The following HUWE1 variants were observed in gnomAD, a reference collection of about 807,000 sequenced individuals.
HUWE1 encodes E3 ubiquitin-protein ligase HUWE1.
A neutral mutation model predicts 299.4 loss-of-function variants in HUWE1; 18 were observed. The ratio of observed to expected loss-of-function variants is 0.06; its 90% CI spans 0.04 to 0.09. HUWE1 has a LOEUF of 0.09. HUWE1 is among the 10% of genes least tolerant of loss of function. The probability of loss-of-function intolerance (pLI) is 1.00; values close to 1 mark genes in which losing one functional copy is unlikely to be tolerated. For missense variants in HUWE1, 1,832 were observed against 3,462.3 expected (o/e 0.53, Z 11.82); for synonymous variants, 1,317 against 1,286.1 (o/e 1.02, Z -0.51).
At chrX:53,559,560 C>T in intron 56 of HUWE1, 28 bp from the exon 57 acceptor site, 1 of 1,182,157 alleles carries the variant, frequency 8.5e-7, no homozygotes, top group Middle Eastern at 2.9e-4. Flanking sequence ...GTACCATGAT[C>T]ACTGTTAAGT....
chrX:53,559,292 C>T (rs918878607), intron 57 of HUWE1, 62 bp downstream of exon 57: 5 of 1,132,434 alleles, frequency 4.4e-6, no homozygotes, highest in African/African-American at 1.8e-5. Context: ...TCTTGCTTTT[C>T]CTCAGCAGGG....
intron 3 of HUWE1, among the ~76,000 whole-genome samples, chrX:53,679,762 G>GT (rs1292494093): frequency 1.8e-5 from 2 of 112,369 alleles, no homozygotes; most frequent in Non-Finnish European, 3.8e-5. Context: ...GAAATTTTTC[G>GT]TAACTTTAAT....
intron 33 of HUWE1, among the ~76,000 whole-genome samples, chrX:53,591,850 G>A (rs1327812869): frequency 8.9e-6 from 1 of 111,751 alleles, no homozygotes; most frequent in African/African-American, 3.3e-5. Flanking sequence ...ATAGTAGACA[G>A]ATTTGAACAG....
Position 53,546,795 on chromosome X carries a change from G to A in HUWE1, c.10667C>T (p.Pro3556Leu), listed in dbSNP as rs1276998647. 3 of 1,207,455 alleles carry A rather than the reference G, an allele frequency of 2.5e-6. No homozygotes were observed. Among genetic ancestry groups the A allele is most frequent in the South Asian group, 1.8e-5 (1 of 56,245 alleles). ...GCTGCCCCCATCACTCACCTTCGCT[G>A]GAGATTTGCTGCCCTTAGTAGTGGG... Reference protein sequence around the residue: ...ISPTTKGSKSPAKVSDGGSSS... With the variant: ...ISPTTKGSKSLAKVSDGGSSS... Residue 3556 changes from proline (P) to leucine (L), a missense_variant, in exon 69 of 84, where the codon CCA becomes CTA. By Grantham distance (98) the Pro-to-Leu change is moderately conservative. Around this residue, in one of 15 missense-constraint regions of HUWE1, gnomAD observed 119 missense variants for 124.6 expected, o/e 0.96. Coordinates refer to ENST00000262854, the MANE Select transcript of HUWE1 (RefSeq NM_031407.7).
At chrX:53,645,504 C>T (rs1557034948) in intron 6 of HUWE1, 41 bp from the exon 7 acceptor site, 3 of 1,181,210 alleles carry the variant, frequency 2.5e-6, no homozygotes, top group Non-Finnish European at 3.4e-6. Context: ...GTATCAGGCA[C>T]AACTGGCCTT....
In HUWE1 at chrX:53,563,728, C is replaced by T. The variant is rs1556943248; in HGVS notation, c.7105+18G>A. The T allele has an allele frequency of 8.3e-7, 1 of 1,208,295 alleles. No homozygotes were observed. Among genetic ancestry groups the T allele is most frequent in the Non-Finnish European group, 1.1e-6 (1 of 893,449 alleles). ...CTGAGGCAAAGGAAGAGGCTATACT[C>T]AGTTCTGGGGCTCTCACCTATAATT... On this transcript the variant is annotated intron_variant, in intron 52 of 83. Transcript: ENST00000262854.
At chrX:53,665,522 A>T (rs1557047195) in intron 3 of HUWE1, among the ~76,000 whole-genome samples, 1 of 111,785 alleles carries the variant, frequency 8.9e-6, no homozygotes, top group Non-Finnish European at 1.9e-5. Flanking sequence ...ATCTGAGAAC[A>T]CATCTCCTGC....
chrX:53,535,195 A>G (rs1468041852), intron 81 of HUWE1, among the ~76,000 whole-genome samples, 189 bp downstream of exon 81: 6 of 112,027 alleles, frequency 5.4e-5, no homozygotes, highest in Non-Finnish European at 1.1e-4. Context: ...TTGGCCTCCC[A>G]AAGTGCTGGG....
intron 47 of HUWE1, among the ~76,000 whole-genome samples, chrX:53,572,022 T>C (rs2062853525): frequency 2.7e-5 from 3 of 112,260 alleles, no homozygotes; most frequent in African/African-American, 9.7e-5. Context: ...CTATCTGTGA[T>C]AGCTCCAAAG....
chrX:53,615,469 C>T (rs1285964295), intron 22 of HUWE1, among the ~76,000 whole-genome samples: 2 of 111,274 alleles, frequency 1.8e-5, no homozygotes, highest in Non-Finnish European at 3.8e-5. Context: ...CTCAAGCGAT[C>T]CACCAGCCTC....
At chrX:53,670,866 G>A (rs782290976) in intron 3 of HUWE1, among the ~76,000 whole-genome samples, 2 of 111,623 alleles carry the variant, frequency 1.8e-5, no homozygotes, top group African/African-American at 6.5e-5. Context: ...GTGTATATAT[G>A]CAGTGAGCCA....
chrX:53,548,738 C>T (rs1196303463), intron 67 of HUWE1, among the ~76,000 whole-genome samples: 1 of 112,500 alleles, frequency 8.9e-6, no homozygotes, highest in African/African-American at 3.2e-5. Flanking sequence ...AGGAATCATA[C>T]AGCCCAGTTG....
intron 81 of HUWE1, 43 bp from the exon 82 acceptor site, chrX:53,534,740 C>A: frequency 2.6e-6 from 3 of 1,143,830 alleles, no homozygotes; most frequent in Non-Finnish European, 3.6e-6. Flanking sequence ...TAAACTCACA[C>A]AACCGTAGAG....
intron 52 of HUWE1, 119 bp downstream of exon 52, chrX:53,563,627 C>T (rs1180094140): frequency 3.6e-5 from 28 of 767,560 alleles, no homozygotes; most frequent in Non-Finnish European, 4.6e-5. Context: ...AGACAAGCAG[C>T]GATCTAGGCT....
chrX:53,678,679 G>A lies in HUWE1; in HGVS notation c.-25+1370C>T, dbSNP rs2069957960. 1.8e-5 allele frequency among the ~76,000 whole-genome samples: 2 copies of A among 112,014 alleles called. 1 individual carries two copies. The highest frequency in any genetic ancestry group is 7.4e-4 in the South Asian group (2 of 2,688). On this transcript the variant is annotated intron_variant, in intron 3 of 83. Transcript: ENST00000262854. ...ATTTCAAGAACTGTATGACAGCCAGGAACTCATTATTAGGTCTTAATAGCT... is the reference window on the plus strand; with the variant it reads ...ATTTCAAGAACTGTATGACAGCCAGAAACTCATTATTAGGTCTTAATAGCT...
chrX:53,647,174 G>A (rs2068110683), intron 6 of HUWE1, among the ~76,000 whole-genome samples, 194 bp downstream of exon 6: 1 of 111,795 alleles, frequency 8.9e-6, no homozygotes, highest in Non-Finnish European at 1.9e-5. Context: ...AAAGGTGATA[G>A]TACAGAATCT....
chrX:53,534,508 C>A lies in HUWE1; in HGVS notation c.12831+8G>T. On this transcript the variant is annotated splice_region_variant and intron_variant, in intron 82 of 83. Transcript: ENST00000262854. Reference sequence around the variant, plus strand: ...ACCATATGAGGAGGGATGCCAGCAGCAGCTCACCTGAATAGAGTTGGACTG... The same window carrying A: ...ACCATATGAGGAGGGATGCCAGCAGAAGCTCACCTGAATAGAGTTGGACTG... 3 of 1,201,457 alleles carry A rather than the reference C, an allele frequency of 2.5e-6. No homozygotes were observed. The highest frequency in any genetic ancestry group is 3.4e-6 in the Non-Finnish European group (3 of 888,788).
In HUWE1 at chrX:53,548,184, G is replaced by A. The variant is rs782398289; in HGVS notation, c.10125C>T (p.Cys3375=). Residue 3375 remains cysteine, a synonymous_variant, in exon 68 of 84, where the codon TGC becomes TGT. Coordinates refer to ENST00000262854, the MANE Select transcript of HUWE1 (RefSeq NM_031407.7). ...RERGNKACSP[C]SSQSSSSGIC... ...TGCCACTGCTGGAGGACTGTGAGGA[G>A]CATGGGCTACAGGCCTTATTGCCCC... is the stretch of plus-strand genomic sequence containing the variant. The A allele has an allele frequency of 2.5e-6, 3 of 1,207,787 alleles. No homozygotes were observed. Among genetic ancestry groups the A allele is most frequent in the South Asian group, 1.8e-5 (1 of 56,126 alleles).
intron 3 of HUWE1, among the ~76,000 whole-genome samples, chrX:53,658,062 A>AAAAAAAAAAAG (rs2068834686): frequency 9.3e-6 from 1 of 107,453 alleles, no homozygotes; most frequent in Non-Finnish European, 1.9e-5. Flanking sequence ...AAAAAAAAAA[A>AAAAAAAAAAAG]GTCAATTGCT....
Sources: allele counts gnomAD v4.1 joint callset (sites outside exome capture counted in the v4.1 genomes callset), GRCh38; gene constraint gnomAD v4.1.1; regional missense constraint gnomAD v4.1.1; transcripts MANE v1.5; gene names NCBI Gene and HGNC (gene_info 2026-07-23, HGNC 2026-07-21).